The following COX7A2L variants were observed in gnomAD, a reference collection of about 807,000 sequenced individuals.
The protein encoded by COX7A2L is cytochrome c oxidase subunit 7A2 like.
Under a neutral mutation model 14.2 loss-of-function variants are expected in COX7A2L, and 18 were observed. The observed-to-expected ratio is 1.27, with a 90% CI of 0.88 to 1.88. COX7A2L has a LOEUF of 1.88. COX7A2L is among the 40% of genes most tolerant of loss of function. The pLI is 0.00. For synonymous variants in COX7A2L, 65 were observed against 57.4 expected (o/e 1.13, Z -0.60); for missense variants, 179 against 138.8 (o/e 1.29, Z -1.46).
intron 1 of COX7A2L, among the ~76,000 whole-genome samples, chr2:42,358,515 C>T (rs1186900284): frequency 2.0e-5 from 3 of 152,200 alleles, no homozygotes; most frequent in Non-Finnish European, 4.4e-5. Context: ...TGAAGTACTC[C>T]TAATTACCAA....
chr2:42,351,898 G>C (rs1005734756), intron 2 of COX7A2L, among the ~76,000 whole-genome samples: 1 of 152,136 alleles, frequency 6.6e-6, no homozygotes, highest in Non-Finnish European at 1.5e-5. Flanking sequence ...TGGGAGGATC[G>C]CTTGAGCCCA....
rs1670429756 is a variant in COX7A2L at position 42,342,953 on chromosome 2, C to G, written c.193-9084G>C. Among the ~76,000 whole-genome samples the G allele has an allele frequency of 6.6e-6, 1 of 152,092 alleles. No homozygotes were observed. Among genetic ancestry groups the G allele is most frequent in the African/African-American group, 2.4e-5 (1 of 41,422 alleles). Reference sequence around the variant, plus strand: ...CCGTGGAGCCACAGAGGTCAGGAGGCCTGATTCCAGCTTATGCAAGTGACA... The same window carrying G: ...CCGTGGAGCCACAGAGGTCAGGAGGGCTGATTCCAGCTTATGCAAGTGACA... On this transcript the variant is annotated intron_variant, in intron 2 of 2. Transcript: ENST00000468711. This position sits in a 1 kb window ranked among gnomAD's most constrained non-coding sequence, Gnocchi z 4.9.
chr2:42,368,646 G>C (rs2103925403), intron 1 of COX7A2L, among the ~76,000 whole-genome samples: 1 of 152,266 alleles, frequency 6.6e-6, no homozygotes, highest in Middle Eastern at 3.4e-3. Context: ...CTATAAAATG[G>C]GAATGATATC....
At position 42,353,292 on chromosome 2, in the gene COX7A2L, G is replaced by A. The variant is rs750057243; in HGVS notation, c.124C>T (p.Pro42Ser). 5.0e-6 allele frequency: 8 copies of A among 1,614,100 alleles called. No homozygotes were observed. Among genetic ancestry groups the A allele is most frequent in the South Asian group, 1.1e-5 (1 of 91,078 alleles). ...TEAPPIIFATPTKLTSDSTVY... is the reference protein window; with the variant it reads ...TEAPPIIFATSTKLTSDSTVY... ...GTGGAATCGGAGGTCAGTTTAGTTG[G>A]TGTGGCAAATATGATAGGTGGTGCT... Residue 42 changes from proline to serine, a missense_variant, in exon 2 of 3, where the codon CCA (proline) becomes TCA (serine). By Grantham distance (74) the Pro-to-Ser change is moderately conservative. Transcript: ENST00000234301.
At position 42,353,197 on chromosome 2, in the gene COX7A2L, A is replaced by G; in HGVS notation, c.204+15T>C. ...TATTTCACAGGCTTTTCTGTTGTAG[A>G]GTATCTTCCCTCACCTGGAAAAACT... is the stretch of plus-strand genomic sequence containing the variant. On this transcript the variant is annotated intron_variant, in intron 2 of 2. Coordinates refer to ENST00000234301, the MANE Select transcript of COX7A2L (RefSeq NM_004718.4). 1 of 1,611,868 alleles carries G rather than the reference A, an allele frequency of 6.2e-7. No individual in the cohort carries two copies.
At chr2:42,351,434 A>G in intron 2 of COX7A2L, 75 bp from the exon 3 acceptor site, 1 of 1,546,340 alleles carries the variant, frequency 6.5e-7, no homozygotes, top group South Asian at 1.2e-5. Context: ...AAAATAACAA[A>G]TTTGTCTACT....
At chr2:42,353,790 A>G (rs944246004) in intron 1 of COX7A2L, among the ~76,000 whole-genome samples, 2 of 152,210 alleles carry the variant, frequency 1.3e-5, no homozygotes, top group African/African-American at 4.8e-5. Context: ...ACAAACAAAC[A>G]AACAATACTT....
downstream of COX7A2L, among the ~76,000 whole-genome samples, chr2:42,346,598 C>G (rs1670502400): frequency 6.6e-6 from 1 of 152,014 alleles, no homozygotes; most frequent in Non-Finnish European, 1.5e-5. Context: ...GGCAACACAG[C>G]AGCAAGACCT....
At position 42,338,540 on chromosome 2, in the gene COX7A2L, T is replaced by C. The variant is rs1338879333; in HGVS notation, c.193-4671A>G. Among the ~76,000 whole-genome samples, 1 of 152,164 alleles carries C rather than the reference T, an allele frequency of 6.6e-6. No homozygotes were observed. The highest frequency in any genetic ancestry group is 1.5e-5 in the Non-Finnish European group (1 of 68,020). On this transcript the variant is annotated intron_variant, in intron 2 of 2. Coordinates refer to the COX7A2L transcript ENST00000468711. This position sits in a 1 kb window ranked among gnomAD's most constrained non-coding sequence, Gnocchi z 4.4. ...CACCAGAATCATTAGCAGAAACGTT[T>C]GCCAGGCTTGGACATTTCCATGGAG...
chr2:42,346,741 C>T (rs193012611), downstream of COX7A2L, among the ~76,000 whole-genome samples: 433 of 151,052 alleles, frequency 2.9e-3, no homozygotes, highest in Non-Finnish European at 4.5e-3. Context: ...GTCTGGGCGA[C>T]GGAGTGAGAC....
intron 1 of COX7A2L, among the ~76,000 whole-genome samples, chr2:42,356,425 G>A (rs1311766847): frequency 1.3e-5 from 2 of 152,262 alleles, no homozygotes; most frequent in East Asian, 3.9e-4. Flanking sequence ...CTTGTTCACT[G>A]CTCCTATATT....
chr2:42,361,733 TC>T (rs1671061554), upstream of COX7A2L: 1 of 152,540 alleles, frequency 6.6e-6, no homozygotes, highest in African/African-American at 2.4e-5. Flanking sequence ...CTTTAACTGA[TC>T]GTAGTCTCAT....
intron 2 of COX7A2L, among the ~76,000 whole-genome samples, chr2:42,352,010 G>C (rs939163095): frequency 6.6e-6 from 1 of 152,130 alleles, no homozygotes; most frequent in Non-Finnish European, 1.5e-5. Context: ...GTGCTGGCAC[G>C]AGAAACGTTC....
chr2:42,358,805 GC>G (rs1670914672), intron 1 of COX7A2L, among the ~76,000 whole-genome samples: 1 of 151,988 alleles, frequency 6.6e-6, no homozygotes, highest in African/African-American at 2.4e-5. Flanking sequence ...TTCTTACTAA[GC>G]AACAAAACCT....
chr2:42,357,354 G>A (rs902168062), intron 1 of COX7A2L, among the ~76,000 whole-genome samples: 2 of 152,120 alleles, frequency 1.3e-5, no homozygotes, highest in African/African-American at 4.8e-5. Context: ...TGTCACCCAC[G>A]CTGGAGTGCA....
chr2:42,335,734 A>AG (rs1376379834), intron 2 of COX7A2L, among the ~76,000 whole-genome samples: 2 of 152,248 alleles, frequency 1.3e-5, no homozygotes, highest in Admixed American at 6.5e-5. Flanking sequence ...CGCTTGCTGT[A>AG]GGTTATATGC....
chr2:42,359,461 C>G (rs1229217387), intron 1 of COX7A2L: 1 of 152,162 alleles, frequency 6.6e-6, no homozygotes, highest in Non-Finnish European at 1.5e-5. Context: ...TATCCATACA[C>G]TGGAGAATAC....
At chr2:42,340,341 C>G (rs985495350) in intron 2 of COX7A2L, among the ~76,000 whole-genome samples, 3 of 152,228 alleles carry the variant, frequency 2.0e-5, no homozygotes, top group African/African-American at 7.2e-5. Flanking sequence ...GGCTGTCACT[C>G]CCAGGCCCCC....
At chr2:42,340,874 G>C (rs143032560) in intron 2 of COX7A2L, among the ~76,000 whole-genome samples, 1 of 152,328 alleles carries the variant, frequency 6.6e-6, no homozygotes, top group Non-Finnish European at 1.5e-5. Flanking sequence ...GCACACTGCA[G>C]AAGGAATGAT....
Sources: gnomAD v4.1 joint callset for allele counts (sites outside exome capture counted in the v4.1 genomes callset) on GRCh38, gnomAD v4.1.1 for gene constraint, Gnocchi (gnomAD v3.1) non-coding constraint, MANE v1.5 for transcripts, NCBI Gene and HGNC (gene_info 2026-07-23, HGNC 2026-07-21) for gene names.